The following GNG7 variants were observed in gnomAD, a reference collection of about 807,000 sequenced individuals.
The protein encoded by GNG7 is G protein subunit gamma 7.
A neutral mutation model predicts 4.0 loss-of-function variants in GNG7; 1 was observed. The observed-to-expected ratio is 0.25, with a 90% confidence interval of 0.09 to 1.18. The LOEUF is 1.18. GNG7 is among the 50% of genes most tolerant of loss of function. The probability of loss-of-function intolerance (pLI) is 0.50; values close to 1 mark genes in which losing one functional copy is unlikely to be tolerated. For synonymous variants in GNG7, 34 were observed against 36.9 expected, an observed-to-expected ratio of 0.92 and a Z score of 0.29; for missense variants, 86 against 91.9, an observed-to-expected ratio of 0.94 and a Z score of 0.26.
rs768228296 is a variant in GNG7, at chr19:2,614,835, G to A, written c.-78+31389C>T. On this transcript the variant is annotated intron_variant, in intron 2 of 4. Transcript: ENST00000382159. The surrounding 1 kb of genome is among the most constrained non-coding windows in gnomAD (Gnocchi z 6.0). ...AATTGCTGGGTCATGTGGCGACTCC[G>A]CGTTCAGCCTTTTGAGGAACCACCA... Among the ~76,000 whole-genome samples, 81 of 152,202 alleles carry A rather than the reference G, an allele frequency of 5.3e-4. 5 individuals carry two copies. Among genetic ancestry groups the A allele is most frequent in the Non-Finnish European group, 7.3e-5 (5 of 68,038 alleles).
At chr19:2,654,947 G>A (rs528702838) in intron 1 of GNG7, among the ~76,000 whole-genome samples, 37 of 129,534 alleles carry the variant, frequency 2.9e-4, no homozygotes, top group Non-Finnish European at 4.0e-4. Flanking sequence ...TGTCCCCTGG[G>A]AGGCAGAGGC....
intron 2 of GNG7, among the ~76,000 whole-genome samples, chr19:2,608,053 A>G (rs192722250): frequency 0.021 from 1,685 of 81,114 alleles, 19 homozygotes; most frequent in Non-Finnish European, 0.034. Context: ...GTATTTGAGA[A>G]AAAAAAAAAA....
intron 1 of GNG7, among the ~76,000 whole-genome samples, chr19:2,660,109 A>G (rs967992229): frequency 7.2e-5 from 11 of 152,166 alleles, no homozygotes; most frequent in African/African-American, 2.7e-4. Flanking sequence ...CCTCTGTCGG[A>G]TTACTCACAG....
At chr19:2,652,568 G>A (rs1375823823) in intron 1 of GNG7, among the ~76,000 whole-genome samples, 1 of 152,112 alleles carries the variant, frequency 6.6e-6, no homozygotes, top group African/African-American at 2.4e-5. Flanking sequence ...GCAGTGAGCT[G>A]GGATCGTGCC....
intron 3 of GNG7, chr19:2,538,796 T>G (rs568635809): frequency 3.6e-5 from 14 of 386,038 alleles, no homozygotes; most frequent in South Asian, 2.8e-4. Context: ...TGAGACGGAG[T>G]CTCACTCTGT....
chr19:2,676,968 C>T (rs1159373729), intron 1 of GNG7, among the ~76,000 whole-genome samples: 2 of 152,170 alleles, frequency 1.3e-5, no homozygotes, highest in African/African-American at 4.8e-5. Context: ...GCAGGACTCC[C>T]GATTCCCAGA....
intron 2 of GNG7, among the ~76,000 whole-genome samples, chr19:2,597,376 C>A (rs535760701): frequency 6.6e-6 from 1 of 152,164 alleles, no homozygotes; most frequent in African/African-American, 2.4e-5. Flanking sequence ...GCAGGCGGAT[C>A]ACCTAAGGTC....
At chr19:2,700,847 C>G (rs553399921) in intron 1 of GNG7, 1 of 152,136 alleles carries the variant, frequency 6.6e-6, no homozygotes, top group African/African-American at 2.4e-5. Context: ...ATCGCAGCAT[C>G]CCACGACGGG....
chr19:2,677,586 C>G (rs1013073054), intron 1 of GNG7, among the ~76,000 whole-genome samples: 2 of 152,158 alleles, frequency 1.3e-5, no homozygotes, highest in African/African-American at 2.4e-5. Flanking sequence ...CCAAGGGGGG[C>G]CCCAGCTCCT....
chr19:2,599,659 G>A (rs922622702), intron 2 of GNG7, among the ~76,000 whole-genome samples: 2 of 152,176 alleles, frequency 1.3e-5, no homozygotes, highest in Admixed American at 1.3e-4. Flanking sequence ...GGGTTAGGCC[G>A]GGCGCGGTGG....
At chr19:2,578,372 G>T (rs2144788556) in intron 2 of GNG7, among the ~76,000 whole-genome samples, 1 of 152,244 alleles carries the variant, frequency 6.6e-6, no homozygotes. Context: ...TACTATGTTA[G>T]GAAGCTATTT....
chr19:2,547,078 C>CCA (rs945689447), intron 3 of GNG7, among the ~76,000 whole-genome samples: 1 of 147,878 alleles, frequency 6.8e-6, no homozygotes, highest in Non-Finnish European at 1.5e-5. Flanking sequence ...ACGCATGCCC[C>CCA]CCCCCCAGAA....
chr19:2,595,528 G>A (rs1980991271), intron 2 of GNG7, among the ~76,000 whole-genome samples: 1 of 151,890 alleles, frequency 6.6e-6, no homozygotes, highest in South Asian at 2.1e-4. Context: ...GAGCTCAGGA[G>A]TTTGAGACCA....
intron 3 of GNG7, among the ~76,000 whole-genome samples, chr19:2,543,309 C>T (rs2144749730): frequency 6.6e-6 from 1 of 151,962 alleles, no homozygotes; most frequent in South Asian, 2.1e-4. Context: ...CAGCCTTGAC[C>T]TCCTGGCCTC....
In GNG7 at chr19:2,542,673, A is replaced by G. The variant is rs1437357874; in HGVS notation, c.-38+12476T>C. Among the ~76,000 whole-genome samples, 5 of 152,034 alleles carry G rather than the reference A, an allele frequency of 3.3e-5. No individual in the cohort carries two copies. The East Asian group carries it at 9.6e-4, about 29-fold the overall frequency. On this transcript the variant is annotated intron_variant, in intron 3 of 4. Transcript: ENST00000382159. ...GGCAGGCGTGTTGCTCTAAGCCACC[A>G]CATATGCAGTAGTTTCTTATGCAGT... is the stretch of plus-strand genomic sequence containing the variant.
chr19:2,684,380 C>A (rs2144902913), intron 1 of GNG7, among the ~76,000 whole-genome samples: 1 of 151,794 alleles, frequency 6.6e-6, no homozygotes, highest in East Asian at 2.0e-4. Flanking sequence ...CGTGATCCGC[C>A]TGCCTCAGGC....
At position 2,611,486 on chromosome 19, in the gene GNG7, G is replaced by A. The variant is rs1446035897; in HGVS notation, c.-78+34738C>T. The stretch of plus-strand genomic sequence containing the variant: ...CCTGCGTGGGGCTTGAAGGCAGGTG[G>A]GCAAGACGGTGCATAGCCCGAATCT... On this transcript the variant is annotated intron_variant, in intron 2 of 4. Coordinates refer to ENST00000382159, the MANE Select transcript of GNG7 (RefSeq NM_052847.3). This position sits in a 1 kb window ranked among gnomAD's most constrained non-coding sequence, Gnocchi z 6.0. The A allele has an allele frequency of 6.6e-6, 1 of 152,238 alleles. No homozygotes were observed. Among genetic ancestry groups the A allele is most frequent in the Non-Finnish European group, 1.5e-5 (1 of 68,072 alleles). The allele number at this position is 152,238 out of a possible 1,614,324, so 9.4% of individuals were successfully genotyped here. A position where few individuals can be genotyped will look rare whatever the true frequency, so the allele number is the denominator to read the frequency against.
chr19:2,537,012 T>A (rs1476458797), intron 3 of GNG7, among the ~76,000 whole-genome samples: 2 of 151,700 alleles, frequency 1.3e-5, no homozygotes, highest in Non-Finnish European at 1.5e-5. Flanking sequence ...AGTGGTGTGA[T>A]CTCTGCTCAC....
At chr19:2,585,951 C>T (rs865918176) in intron 2 of GNG7, among the ~76,000 whole-genome samples, 5 of 152,210 alleles carry the variant, frequency 3.3e-5, no homozygotes, top group African/African-American at 4.8e-5. Flanking sequence ...CCACCCGCCT[C>T]GGCCTCCCAA....
Sources: gnomAD v4.1 joint callset for allele counts (sites outside exome capture counted in the v4.1 genomes callset) on GRCh38, gnomAD v4.1.1 for gene constraint, Gnocchi (gnomAD v3.1) non-coding constraint, MANE v1.5 for transcripts, NCBI Gene and HGNC (gene_info 2026-07-23, HGNC 2026-07-21) for gene names.